CSMD2: variants seen among roughly 807,000 people sequenced by gnomAD.
CSMD2 encodes CUB and sushi domain-containing protein 2.
A neutral mutation model predicts 398.5 loss-of-function variants in CSMD2; 130 were observed. The ratio of observed to expected loss-of-function variants is 0.33; its 90% CI spans 0.28 to 0.38. CSMD2 has a LOEUF of 0.38. CSMD2 is among the 10% of genes least tolerant of loss of function. The pLI is 1.00. For synonymous variants in CSMD2, 1,828 were observed against 1,908.5 expected (o/e 0.96, Z 1.10); for missense variants, 3,829 against 4,764.9 (o/e 0.80, Z 5.78).
At chr1:33,953,324 T>G (rs1645065493) in intron 3 of CSMD2, among the ~76,000 whole-genome samples, 1 of 151,762 alleles carries the variant, frequency 6.6e-6, no homozygotes, top group African/African-American at 2.4e-5. Context: ...AATAAATGAA[T>G]TTAAATTTGC....
chr1:33,571,053 C>T (rs1397128471), intron 51 of CSMD2, among the ~76,000 whole-genome samples: 1 of 152,162 alleles, frequency 6.6e-6, no homozygotes, highest in Non-Finnish European at 1.5e-5. Context: ...AAACAATTGA[C>T]AATGGAGAAG....
chr1:33,984,525 T>A lies in CSMD2; in HGVS notation c.517+48069A>T, dbSNP rs144102336. ...CTCCCAAAAGAAATCTTGGTCTGGG[T>A]GCAGTGGCTCACGCCTGCGCTTTGG... On this transcript the variant is annotated intron_variant, in intron 3 of 70. Coordinates refer to ENST00000373381, the MANE Select transcript of CSMD2 (RefSeq NM_001281956.2). Among the ~76,000 whole-genome samples, 904 of 152,262 alleles carry A rather than the reference T, an allele frequency of 5.9e-3. 5 individuals are homozygous for A. The highest frequency in any genetic ancestry group is 0.027 in the Middle Eastern group (8 of 292).
chr1:33,880,619 G>A (rs1348427893), intron 5 of CSMD2, among the ~76,000 whole-genome samples: 1 of 152,158 alleles, frequency 6.6e-6, no homozygotes, highest in East Asian at 1.9e-4. Context: ...TAGTCTATGA[G>A]ATGAGAAAAG....
chr1:33,715,415 T>C (rs1200374382), intron 20 of CSMD2, among the ~76,000 whole-genome samples: 1 of 152,174 alleles, frequency 6.6e-6, no homozygotes, highest in East Asian at 1.9e-4. Context: ...AGTGACAGCA[T>C]AGAAGTGACT....
At position 33,962,421 on chromosome 1, in the gene CSMD2, T is replaced by G. The variant is rs1645395353; in HGVS notation, c.518-26467A>C. On this transcript the variant is annotated intron_variant, in intron 3 of 70. Coordinates refer to ENST00000373381, the MANE Select transcript of CSMD2 (RefSeq NM_001281956.2). The stretch of plus-strand genomic sequence containing the variant: ...CATCTGTGCAAACACACATGCTCTG[T>G]GGAATCCAGCCACTTTCAAGCAAGG... Among the ~76,000 whole-genome samples, 3 of 148,570 alleles carry G rather than the reference T, an allele frequency of 2.0e-5. No individual in the cohort carries two copies. The South Asian group carries it at 6.7e-4, about 33-fold the overall frequency.
chr1:33,799,773 G>A (rs190935791), intron 10 of CSMD2, among the ~76,000 whole-genome samples: 20 of 152,320 alleles, frequency 1.3e-4, no homozygotes, highest in African/African-American at 4.8e-4. Flanking sequence ...AATACAAGGA[G>A]CATGAGACCC....
chr1:33,954,902 C>T (rs946329659), intron 3 of CSMD2, among the ~76,000 whole-genome samples: 3 of 152,114 alleles, frequency 2.0e-5, no homozygotes, highest in Non-Finnish European at 4.4e-5. Context: ...GATGGTTATA[C>T]AACAATGTGA....
At chr1:33,754,020 G>A (rs1569738632) in intron 13 of CSMD2, among the ~76,000 whole-genome samples, 1 of 152,166 alleles carries the variant, frequency 6.6e-6, no homozygotes, top group East Asian at 1.9e-4. Flanking sequence ...TTTAGACTTA[G>A]GACTTTTGGG....
chr1:33,996,123 G>A (rs1646718179), intron 3 of CSMD2, among the ~76,000 whole-genome samples: 1 of 152,338 alleles, frequency 6.6e-6, no homozygotes, highest in East Asian at 1.9e-4. Context: ...AAAGGATATG[G>A]ACAGAAAATT....
intron 2 of CSMD2, among the ~76,000 whole-genome samples, chr1:34,049,768 C>G (rs1417786216): frequency 1.3e-5 from 2 of 152,160 alleles, no homozygotes; most frequent in Non-Finnish European, 2.9e-5. Context: ...CTTTATTTTT[C>G]TCATAACAAT....
At chr1:33,521,095 C>T (rs191817851) in intron 68 of CSMD2, among the ~76,000 whole-genome samples, 245 of 152,276 alleles carry the variant, frequency 1.6e-3, no homozygotes, top group African/African-American at 5.4e-3. Context: ...AGTCAAGGCA[C>T]CCTGAGAGCT....
At chr1:33,538,807 T>C (rs1656048807) in intron 60 of CSMD2, among the ~76,000 whole-genome samples, 1 of 152,198 alleles carries the variant, frequency 6.6e-6, no homozygotes, top group South Asian at 2.1e-4. Flanking sequence ...CAATCCATTA[T>C]TGATGAGGGT....
chr1:34,061,029 C>T (rs1470975687), intron 2 of CSMD2, among the ~76,000 whole-genome samples: 1 of 152,124 alleles, frequency 6.6e-6, no homozygotes, highest in East Asian at 1.9e-4. Context: ...GAGTCTTTGG[C>T]ACAAAGGGAA....
At chr1:33,742,581 C>CCG (rs1647110490) in intron 14 of CSMD2, among the ~76,000 whole-genome samples, 8 of 109,492 alleles carry the variant, frequency 7.3e-5, no homozygotes, top group Admixed American at 4.6e-4. Flanking sequence ...GCTTCTGCCC[C>CCG]CCCCCCCCCA....
rs1219180318 is a variant in CSMD2, at chr1:33,612,681, G to T, written c.6134-1431C>A. Among the ~76,000 whole-genome samples, 4 of 121,468 alleles carry T rather than the reference G, an allele frequency of 3.3e-5. No individual in the cohort carries two copies. The Admixed American group carries it at 3.7e-4, about 11-fold the overall frequency. The allele number at this position is 121,468 out of a possible 152,430, so 79.7% of individuals were successfully genotyped here. A position where few individuals can be genotyped will look rare whatever the true frequency, so the allele number is the denominator to read the frequency against. The stretch of plus-strand genomic sequence containing the variant: ...TCCAAGTTGCAGATAATTTTGTGAT[G>T]GTTTTTTTTTTTTTTTTTGAGACAG... On this transcript the variant is annotated intron_variant, in intron 40 of 70. Coordinates refer to ENST00000373381, the MANE Select transcript of CSMD2 (RefSeq NM_001281956.2).
intron 2 of CSMD2, among the ~76,000 whole-genome samples, chr1:34,054,876 A>G (rs1653643458): frequency 6.6e-6 from 1 of 152,184 alleles, no homozygotes; most frequent in Non-Finnish European, 1.5e-5. Flanking sequence ...CTGTAAGGAG[A>G]GGTGATGATT....
At chr1:33,666,105 T>C (rs1346259132) in intron 25 of CSMD2, among the ~76,000 whole-genome samples, 1 of 152,170 alleles carries the variant, frequency 6.6e-6, no homozygotes, top group Admixed American at 6.5e-5. Flanking sequence ...GATCTCTCCT[T>C]TCCCTATACT....
intron 3 of CSMD2, among the ~76,000 whole-genome samples, chr1:34,016,405 T>C (rs1648124118): frequency 6.6e-6 from 1 of 152,082 alleles, no homozygotes; most frequent in Non-Finnish European, 1.5e-5. Flanking sequence ...ACATGCGGTG[T>C]TGGTTTTCTG....
intron 3 of CSMD2, among the ~76,000 whole-genome samples, chr1:34,001,294 A>C (rs2148033226): frequency 6.6e-6 from 1 of 152,344 alleles, no homozygotes; most frequent in South Asian, 2.1e-4. Context: ...TGAAATAGTG[A>C]AAGTTGAATT....
Sources: allele counts gnomAD v4.1 joint callset (sites outside exome capture counted in the v4.1 genomes callset), GRCh38; gene constraint gnomAD v4.1.1; transcripts MANE v1.5; gene names NCBI Gene and HGNC (gene_info 2026-07-23, HGNC 2026-07-21).